B4GALT7: variants seen among roughly 807,000 people sequenced by gnomAD.
The protein encoded by B4GALT7 is beta-1,4-galactosyltransferase 7, also known as UDP-Gal:beta-GlcNAc beta-1,4-galactosyltransferase 7.
Under a neutral mutation model 33.0 loss-of-function variants are expected in B4GALT7, and 30 were observed. That is an observed-to-expected ratio of 0.91 (90% confidence interval 0.68 to 1.23). B4GALT7 has a LOEUF of 1.23. B4GALT7 is among the 50% of genes most tolerant of loss of function. B4GALT7 has a pLI of 0.00. For missense variants in B4GALT7, 507 were observed against 450.8 expected, an observed-to-expected ratio of 1.12 and a Z score of -1.13; for synonymous variants, 213 against 187.2, an observed-to-expected ratio of 1.14 and a Z score of -1.13.
In B4GALT7 at chr5:177,607,769, AG is replaced by A. The variant is rs1325726609; in HGVS notation, c.639+246del. The A allele has an allele frequency of 6.9e-6, 4 of 575,938 alleles. No individual in the cohort carries two copies. In the Admixed American group the frequency reaches 9.1e-5, roughly 13 times the overall value. 35.7% of individuals were successfully genotyped at this position (575,938 alleles called of 1,614,324 possible). A position where few individuals can be genotyped will look rare whatever the true frequency, so the allele number is the denominator to read the frequency against. ...AGTGGCCCTTAACACTGAAGAGTGTAGGGGCGGTTCAGGTGTACCTTGCCCA... is the reference window on the plus strand; with the variant it reads ...AGTGGCCCTTAACACTGAAGAGTGTAGGGCGGTTCAGGTGTACCTTGCCCA... On this transcript the variant is annotated intron_variant, in intron 3 of 5. Coordinates refer to ENST00000029410, the MANE Select transcript of B4GALT7 (RefSeq NM_007255.3).
intron 1 of B4GALT7, chr5:177,603,098 G>T (rs1332002885): frequency 1.8e-6 from 1 of 561,460 alleles, no homozygotes; most frequent in Non-Finnish European, 2.3e-6. Context: ...TGCCAGGCTG[G>T]TCTTGAGCTC....
At chr5:177,605,086 G>A (rs1462501076) in intron 2 of B4GALT7, 2 of 454,852 alleles carry the variant, frequency 4.4e-6, no homozygotes, top group Non-Finnish European at 8.8e-6. Context: ...CCACCAGCCT[G>A]ATCTTCCCAC....
chr5:177,605,015 C>T (rs747968448), intron 2 of B4GALT7: 21 of 455,692 alleles, frequency 4.6e-5, no homozygotes, highest in South Asian at 3.1e-4. Context: ...TGAGATCTCA[C>T]CCACCAGCCC....
At chr5:177,602,528 G>A (rs1359405705) in intron 1 of B4GALT7, among the ~76,000 whole-genome samples, 1 of 152,144 alleles carries the variant, frequency 6.6e-6, no homozygotes, top group Non-Finnish European at 1.5e-5. Flanking sequence ...ATGGGGGCAG[G>A]GGGCAGTGCT....
intron 5 of B4GALT7, 89 bp downstream of exon 5, chr5:177,609,103 A>C: frequency 1.6e-6 from 2 of 1,214,252 alleles, no homozygotes; most frequent in Non-Finnish European, 1.2e-6. Flanking sequence ...CCTTGGCCCA[A>C]ATGGTCCCAT....
Position 177,600,206 on chromosome 5 carries a change from G to C in B4GALT7, c.-5G>C. On this transcript the variant is annotated 5_prime_UTR_variant, in exon 1 of 6. Coordinates refer to ENST00000029410, the MANE Select transcript of B4GALT7 (RefSeq NM_007255.3). This position sits in a 1 kb window ranked among gnomAD's most constrained non-coding sequence, Gnocchi z 4.4. ...CTGCCCCATGCGCCGCCGCCTCTCCGCACGATGTTCCCCTCGCGGAGGAAA... is the reference window on the plus strand; with the variant it reads ...CTGCCCCATGCGCCGCCGCCTCTCCCCACGATGTTCCCCTCGCGGAGGAAA... The C allele has an allele frequency of 7.2e-7, 1 of 1,379,734 alleles. No homozygotes were observed. The highest frequency in any genetic ancestry group is 9.4e-7 in the Non-Finnish European group (1 of 1,059,954). 85.5% of individuals were successfully genotyped at this position (1,379,734 alleles called of 1,614,324 possible). A position where few individuals can be genotyped will look rare whatever the true frequency, so the allele number is the denominator to read the frequency against.
intron 1 of B4GALT7, among the ~76,000 whole-genome samples, chr5:177,603,638 T>C (rs1767898588): frequency 6.6e-6 from 1 of 152,140 alleles, no homozygotes; most frequent in Admixed American, 6.5e-5. Context: ...ACATTGGTCA[T>C]TTTACCTGGA....
In B4GALT7 at chr5:177,610,040, A is replaced by C. The variant is rs1768135756; in HGVS notation, c.*345A>C. 5.4e-6 allele frequency: 2 copies of C among 367,120 alleles called. No individual in the cohort carries two copies. The allele number at this position is 367,120 out of a possible 1,614,324, so 22.7% of individuals were successfully genotyped here. ...AACAGGACAACCTCTCATCACCCCCACTTTTGTTCCTTCCTGCTGGGCTGC... is the reference window on the plus strand; with the variant it reads ...AACAGGACAACCTCTCATCACCCCCCCTTTTGTTCCTTCCTGCTGGGCTGC... On this transcript the variant is annotated 3_prime_UTR_variant, in exon 6 of 6. Coordinates refer to ENST00000029410, the MANE Select transcript of B4GALT7 (RefSeq NM_007255.3).
rs1554126904 is a variant in B4GALT7 at position 177,608,494 on chromosome 5, C to CCA, written c.640-44_640-43insAC. The CCA allele has an allele frequency of 2.6e-6, 4 of 1,563,978 alleles. No individual in the cohort carries two copies. The African/African-American group carries it at 4.1e-5, about 16-fold the overall frequency. On this transcript the variant is annotated intron_variant, in intron 3 of 5. Transcript: ENST00000029410. This position sits in a 1 kb window ranked among gnomAD's most constrained non-coding sequence, Gnocchi z 4.1. ...AGCGGTAGGAGACCAAAGGCCCCCC[C>CCA]CCCCGGGAAGATGGGCCGAGTGACG...
At position 177,604,453 on chromosome 5, in the gene B4GALT7, C is replaced by T. The variant is rs1270018814; in HGVS notation, c.325C>T (p.Leu109=). The T allele has an allele frequency of 1.9e-6, 3 of 1,614,040 alleles. No individual in the cohort carries two copies. The highest frequency in any genetic ancestry group is 1.7e-6 in the Non-Finnish European group (2 of 1,179,952). ...VPFRERFEEL[L]VFVPHMRRFL... is the part of the protein sequence containing the mutation. The stretch of plus-strand genomic sequence containing the variant: ...CTTCCGCGAACGCTTCGAGGAGCTC[C>T]TGGTCTTCGTGCCCCACATGCGCCG... The change falls in exon 2 of 6, where the codon CTG becomes TTG. Residue 109 remains leucine, a synonymous_variant. Transcript: ENST00000029410.
Position 177,608,763 on chromosome 5 carries a change from C to T in B4GALT7, c.723+141C>T. ...CCCTAACCCTGCCCTGCATGGTCAT[C>T]TAGCCAGTTCCTTGCCCTGTGGGCC... On this transcript the variant is annotated intron_variant, in intron 4 of 5. Coordinates refer to ENST00000029410, the MANE Select transcript of B4GALT7 (RefSeq NM_007255.3). This position sits in a 1 kb window ranked among gnomAD's most constrained non-coding sequence, Gnocchi z 4.1. 1.4e-5 allele frequency: 15 copies of T among 1,106,666 alleles called. No individual in the cohort carries two copies. Among genetic ancestry groups the T allele is most frequent in the Non-Finnish European group, 2.0e-5 (15 of 741,716 alleles). 68.6% of individuals were successfully genotyped at this position (1,106,666 alleles called of 1,614,324 possible). A position where few individuals can be genotyped will look rare whatever the true frequency, so the allele number is the denominator to read the frequency against.
chr5:177,609,523 C>G lies in B4GALT7; in HGVS notation c.829-17C>G. The G allele has an allele frequency of 6.2e-7, 1 of 1,612,626 alleles. No homozygotes were observed. The highest frequency in any genetic ancestry group is 8.5e-7 in the Non-Finnish European group (1 of 1,180,002). ...ATGCAGCCCTGAGTCCGTGCTCTTTCCTCTCTTCCTCCCCAGGAGCAGTTC... is the reference window on the plus strand; with the variant it reads ...ATGCAGCCCTGAGTCCGTGCTCTTTGCTCTCTTCCTCCCCAGGAGCAGTTC... On this transcript the variant is annotated splice_polypyrimidine_tract_variant and intron_variant, in intron 5 of 5. Coordinates refer to ENST00000029410, the MANE Select transcript of B4GALT7 (RefSeq NM_007255.3).
In B4GALT7 at chr5:177,600,161, G is replaced by C. The variant is rs945986036; in HGVS notation, c.-50G>C. On this transcript the variant is annotated 5_prime_UTR_variant, in exon 1 of 6. Transcript: ENST00000029410. This position sits in a 1 kb window ranked among gnomAD's most constrained non-coding sequence, Gnocchi z 4.4. Reference sequence around the variant, plus strand: ...GCGCCGCGTAGGCCCGGGAGGCCGGGCCGGCCGGGCTGCGAGCGCCTGCCC... The same window carrying C: ...GCGCCGCGTAGGCCCGGGAGGCCGGCCCGGCCGGGCTGCGAGCGCCTGCCC... The C allele has an allele frequency of 4.9e-6, 6 of 1,225,674 alleles. No homozygotes were observed. Among genetic ancestry groups the C allele is most frequent in the Non-Finnish European group, 6.1e-6 (6 of 982,484 alleles). 75.9% of individuals were successfully genotyped at this position (1,225,674 alleles called of 1,614,324 possible).
Position 177,604,288 on chromosome 5 carries a change from T to C in B4GALT7, c.160T>C (p.Ser54Pro). 1 of 1,612,570 alleles carries C rather than the reference T, an allele frequency of 6.2e-7. No homozygotes were observed. The highest frequency in any genetic ancestry group is 8.5e-7 in the Non-Finnish European group (1 of 1,179,366). ...CCTACTCTGGCTGCAGCTCAGCTGC[T>C]CTGGGGACGTGGCCCGGGCAGTCAG... ...FSLLWLQLSC[S>P]GDVARAVRGQ... Residue 54 changes from serine (S) to proline (P), a missense_variant, in exon 2 of 6, where the codon TCT (serine) becomes CCT (proline). Coordinates refer to ENST00000029410, the MANE Select transcript of B4GALT7 (RefSeq NM_007255.3).
Position 177,607,508 on chromosome 5 carries a change from C to G in B4GALT7, c.620C>G (p.Ser207Cys). ...TATGTCGGCGGCATCCTGCTGCTCT[C>G]CAAGCAGCACTACCGGCTGGTGAGG... The part of the protein sequence containing the change: ...KTYVGGILLL[S>C]KQHYRLCNGM... The change falls in exon 3 of 6, where the codon TCC becomes TGC. Residue 207 changes from serine (S) to cysteine (C), a missense_variant. Transcript: ENST00000029410. 2 of 1,612,524 alleles carry G rather than the reference C, an allele frequency of 1.2e-6. No homozygotes were observed. The highest frequency in any genetic ancestry group is 1.1e-5 in the South Asian group (1 of 91,084).
chr5:177,604,582 C>T lies in B4GALT7; in HGVS notation c.413+41C>T, dbSNP rs780393429. ...ACCCTCTCCCCTCGGCACCCCTGCC[C>T]GGGCTCAGGCTTCTCAGGCCCTGTG... On this transcript the variant is annotated intron_variant, in intron 2 of 5. Coordinates refer to ENST00000029410, the MANE Select transcript of B4GALT7 (RefSeq NM_007255.3). The T allele has an allele frequency of 3.1e-6, 5 of 1,612,238 alleles. 1 individual carries two copies. In the South Asian group the frequency reaches 3.3e-5, roughly 11 times the overall value.
At chr5:177,603,857 C>T (rs1767903188) in intron 1 of B4GALT7, among the ~76,000 whole-genome samples, 1 of 152,160 alleles carries the variant, frequency 6.6e-6, no homozygotes, top group Non-Finnish European at 1.5e-5. Context: ...GGAGCCTCCT[C>T]ATCCTTGCCC....
At chr5:177,602,435 A>G (rs1449521656) in intron 1 of B4GALT7, among the ~76,000 whole-genome samples, 1 of 152,204 alleles carries the variant, frequency 6.6e-6, no homozygotes, top group Non-Finnish European at 1.5e-5. Flanking sequence ...ACAGATAAGA[A>G]TCTGACACGG....
chr5:177,603,747 G>C (rs1767901375), intron 1 of B4GALT7, among the ~76,000 whole-genome samples: 1 of 152,166 alleles, frequency 6.6e-6, no homozygotes, highest in African/African-American at 2.4e-5. Flanking sequence ...GTAGGGGAGC[G>C]GGTTTGGAAA....
Sources: gnomAD v4.1 joint callset for allele counts (sites outside exome capture counted in the v4.1 genomes callset) on GRCh38, gnomAD v4.1.1 for gene constraint, Gnocchi (gnomAD v3.1) non-coding constraint, MANE v1.5 for transcripts, NCBI Gene and HGNC (gene_info 2026-07-23, HGNC 2026-07-21) for gene names.